Variants in CLYBL observed in about 807,000 individuals in gnomAD.
The protein encoded by CLYBL is citramalyl-CoA lyase, also known as citramalyl-CoA lyase, mitochondrial.
In CLYBL, 31 loss-of-function variants were observed where a neutral mutation model predicts 38.9. That is an observed-to-expected ratio of 0.80 (90% CI 0.60 to 1.08). CLYBL has a LOEUF of 1.08. CLYBL is among the 50% of genes least tolerant of loss of function. The pLI, the probability that CLYBL is intolerant of heterozygous loss-of-function variation, is 0.00. For missense variants in CLYBL, 434 were observed against 411.6 expected (o/e 1.05, Z -0.47); for synonymous variants, 171 against 158.6 (o/e 1.08, Z -0.59).
chr13:99,702,788 G>A (rs964334740), intron 1 of CLYBL, among the ~76,000 whole-genome samples: 13 of 152,144 alleles, frequency 8.5e-5, no homozygotes, highest in African/African-American at 2.2e-4. Flanking sequence ...AGCCCTTTTT[G>A]GCTCCATCTC....
At chr13:99,767,044 GAGCA>G (rs1317547066) in intron 1 of CLYBL, among the ~76,000 whole-genome samples, 1 of 152,228 alleles carries the variant, frequency 6.6e-6, no homozygotes, top group East Asian at 1.9e-4. Flanking sequence ...GATTAAGGCA[GAGCA>G]GGCCTCCTGC....
At position 99,791,303 on chromosome 13, in the gene CLYBL, G is replaced by T. The variant is rs537393160; in HGVS notation, c.249+18293G>T. On this transcript the variant is annotated intron_variant, in intron 2 of 8. Transcript: ENST00000339105. ...CACCCACCACAGGGCCAGCTGTGAG[G>T]CTCAAACAGAAAAGCCCTTTGTAAA... 3.9e-5 allele frequency among the ~76,000 whole-genome samples: 6 copies of T among 152,140 alleles called. No homozygotes were observed. In the South Asian group the frequency reaches 6.2e-4, roughly 16 times the overall value.
chr13:99,899,134 A>G (rs2052614622), downstream of CLYBL, among the ~76,000 whole-genome samples: 1 of 152,158 alleles, frequency 6.6e-6, no homozygotes, highest in Non-Finnish European at 1.5e-5. Flanking sequence ...AAGAGTTCCT[A>G]TGAGGATGTG....
At chr13:99,690,937 C>G (rs950662716) in intron 1 of CLYBL, 1 of 152,194 alleles carries the variant, frequency 6.6e-6, no homozygotes, top group Non-Finnish European at 1.5e-5. Context: ...CAAAAGCGCT[C>G]TCTCACACTG....
chr13:99,617,566 G>A (rs1365953696), intron 1 of CLYBL, among the ~76,000 whole-genome samples: 1 of 152,218 alleles, frequency 6.6e-6, no homozygotes. Context: ...GTGAGGCACT[G>A]GAGGGCGCTC....
intron 1 of CLYBL, among the ~76,000 whole-genome samples, chr13:99,646,949 A>G (rs2139289051): frequency 6.6e-6 from 1 of 152,330 alleles, no homozygotes; most frequent in African/African-American, 2.4e-5. Flanking sequence ...GCCCAGGGAT[A>G]CAGCAGGGAG....
At chr13:99,780,382 A>G (rs1399130331) in intron 2 of CLYBL, among the ~76,000 whole-genome samples, 1 of 151,940 alleles carries the variant, frequency 6.6e-6, no homozygotes, top group Non-Finnish European at 1.5e-5. Context: ...CATGTTGACA[A>G]TTTCACTCTT....
intron 2 of CLYBL, among the ~76,000 whole-genome samples, chr13:99,773,351 A>T (rs1249367640): frequency 6.6e-6 from 1 of 152,238 alleles, no homozygotes; most frequent in Non-Finnish European, 1.5e-5. Flanking sequence ...GCCATGGACC[A>T]GTACAGGCCA....
chr13:99,773,159 T>C, intron 2 of CLYBL, 149 bp downstream of exon 2: 2 of 671,772 alleles, frequency 3.0e-6, no homozygotes, highest in Non-Finnish European at 2.5e-6. Context: ...TTATATAGGT[T>C]CTAAATGTGT....
intron 1 of CLYBL, among the ~76,000 whole-genome samples, chr13:99,771,788 C>T (rs1235193600): frequency 1.3e-5 from 2 of 152,216 alleles, no homozygotes; most frequent in African/African-American, 4.8e-5. Context: ...ATAACAACAG[C>T]AGCTGCTGGT....
At chr13:99,725,703 A>G (rs1003276884) in intron 1 of CLYBL, among the ~76,000 whole-genome samples, 3 of 152,208 alleles carry the variant, frequency 2.0e-5, no homozygotes, top group African/African-American at 4.8e-5. Flanking sequence ...TTTATTGTAA[A>G]TGCAAGGTCT....
At chr13:99,799,013 G>T (rs912920772) in intron 2 of CLYBL, among the ~76,000 whole-genome samples, 2 of 152,164 alleles carry the variant, frequency 1.3e-5, no homozygotes, top group Non-Finnish European at 1.5e-5. Flanking sequence ...ATCAAATTGT[G>T]TGGGGATATT....
chr13:99,732,169 G>GTTTTT (rs35027014), intron 1 of CLYBL, among the ~76,000 whole-genome samples: 40 of 90,754 alleles, frequency 4.4e-4, no homozygotes, highest in East Asian at 6.1e-4. Flanking sequence ...TTATATGGCA[G>GTTTTT]TTTTTTTTTT....
chr13:99,817,654 CAAAA>C (rs1189248896), intron 2 of CLYBL, among the ~76,000 whole-genome samples: 494 of 49,062 alleles, frequency 0.01, 7 homozygotes, highest in African/African-American at 0.032. Context: ...GACTCTGTCT[CAAAA>C]AAAAAAAAAA....
At chr13:99,878,440 A>AT (rs2052106310) in intron 7 of CLYBL, among the ~76,000 whole-genome samples, 1 of 152,244 alleles carries the variant, frequency 6.6e-6, no homozygotes, top group South Asian at 2.1e-4. Context: ...GATGTCAAAC[A>AT]TTTTTAAATA....
chr13:99,840,016 C>G (rs1198835108), intron 2 of CLYBL, among the ~76,000 whole-genome samples: 2 of 130,640 alleles, frequency 1.5e-5, no homozygotes, highest in African/African-American at 5.7e-5. Flanking sequence ...TCCTTCTATT[C>G]TCTATCTTAC....
chr13:99,622,559 C>G (rs1040941560), intron 1 of CLYBL, among the ~76,000 whole-genome samples: 3 of 152,130 alleles, frequency 2.0e-5, no homozygotes, highest in Non-Finnish European at 2.9e-5. Context: ...GTATGGGTGC[C>G]CCTCCAGGCA....
chr13:99,862,670 G>A (rs2051635167), intron 3 of CLYBL, among the ~76,000 whole-genome samples: 1 of 152,150 alleles, frequency 6.6e-6, no homozygotes, highest in African/African-American at 2.4e-5. Flanking sequence ...AACGAAGCGA[G>A]GGCAAGAGGT....
At chr13:99,856,861 A>G in intron 2 of CLYBL, among the ~76,000 whole-genome samples, 1 of 148,574 alleles carries the variant, frequency 6.7e-6, no homozygotes, top group Non-Finnish European at 1.5e-5. Context: ...CTGGTCTTGA[A>G]CTCTTGACCT....
Sources: allele counts gnomAD v4.1 joint callset (sites outside exome capture counted in the v4.1 genomes callset), GRCh38; gene constraint gnomAD v4.1.1; transcripts MANE v1.5; gene names NCBI Gene and HGNC (gene_info 2026-07-23, HGNC 2026-07-21).